Variants in NEGR1 observed in about 807,000 individuals in gnomAD.
NEGR1 encodes the protein IgLON family member 4.
NEGR1 carries 10 observed loss-of-function variants against 40.9 expected under a neutral mutation model. The observed-to-expected ratio is 0.24, with a 90% CI of 0.15 to 0.42. The LOEUF is 0.42. Ranked by LOEUF, NEGR1 falls within the 10% of genes least tolerant of loss-of-function variation. NEGR1 has a pLI of 1.00. For synonymous variants in NEGR1, 185 were observed against 166.8 expected (o/e 1.11, Z -0.84); for missense variants, 352 against 438.9 (o/e 0.80, Z 1.77).
chr1:71,991,732 C>G (rs1646454043), intron 1 of NEGR1, among the ~76,000 whole-genome samples: 1 of 152,158 alleles, frequency 6.6e-6, no homozygotes, highest in Non-Finnish European at 1.5e-5. Context: ...CCCAACCTAA[C>G]CTATTATAGG....
intron 2 of NEGR1, among the ~76,000 whole-genome samples, chr1:71,784,796 A>G (rs1400700204): frequency 1.3e-5 from 2 of 152,224 alleles, no homozygotes; most frequent in African/African-American, 4.8e-5. Context: ...TGAAACACAC[A>G]TGAAGTAGGT....
intron 2 of NEGR1, among the ~76,000 whole-genome samples, chr1:71,879,635 T>C (rs1660527823): frequency 6.6e-6 from 1 of 152,180 alleles, no homozygotes; most frequent in South Asian, 2.1e-4. Context: ...AGTTCACCCA[T>C]ACATTACAGA....
At chr1:72,096,933 C>T (rs1476529434) in intron 1 of NEGR1, among the ~76,000 whole-genome samples, 2 of 152,216 alleles carry the variant, frequency 1.3e-5, no homozygotes, top group East Asian at 3.9e-4. Flanking sequence ...CTGCCTGCCT[C>T]GGCCTCCCAA....
chr1:71,752,072 G>A (rs1032072897), intron 3 of NEGR1, among the ~76,000 whole-genome samples: 22 of 152,124 alleles, frequency 1.4e-4, no homozygotes. Flanking sequence ...TATACAATAC[G>A]CTGGAGTAGT....
intron 6 of NEGR1, among the ~76,000 whole-genome samples, chr1:71,554,353 G>T (rs1648183476): frequency 1.3e-5 from 2 of 151,222 alleles, no homozygotes. Context: ...TTTTAGAATG[G>T]AATATTAGTG....
At chr1:72,029,732 C>G (rs1276309481) in intron 1 of NEGR1, among the ~76,000 whole-genome samples, 1 of 152,022 alleles carries the variant, frequency 6.6e-6, no homozygotes, top group African/African-American at 2.4e-5. Context: ...TAGAGTAATT[C>G]TAAGGGTAAA....
chr1:71,879,154 A>G (rs1468098533), intron 2 of NEGR1, among the ~76,000 whole-genome samples: 1 of 151,932 alleles, frequency 6.6e-6, no homozygotes, highest in Non-Finnish European at 1.5e-5. Flanking sequence ...AAAAATAGCA[A>G]CAAGGATAAT....
At chr1:71,887,256 G>A (rs182660678) in intron 2 of NEGR1, among the ~76,000 whole-genome samples, 165 of 152,196 alleles carry the variant, frequency 1.1e-3, no homozygotes, top group Admixed American at 2.2e-3. Flanking sequence ...GGAAGGGGAG[G>A]GGTTGGTCTT....
chr1:72,236,433 A>T (rs980497357), intron 1 of NEGR1, among the ~76,000 whole-genome samples: 1 of 151,020 alleles, frequency 6.6e-6, no homozygotes, highest in African/African-American at 2.5e-5. Flanking sequence ...AGTATAATAA[A>T]AAAAAGAAGA....
chr1:72,261,916 T>C (rs1408822253), intron 1 of NEGR1, among the ~76,000 whole-genome samples: 2 of 152,050 alleles, frequency 1.3e-5, no homozygotes, highest in Admixed American at 6.6e-5. Context: ...AGGTACAATG[T>C]ACTTTATTTG....
chr1:71,474,561 A>G (rs1454697878), intron 6 of NEGR1, among the ~76,000 whole-genome samples: 1 of 107,102 alleles, frequency 9.3e-6, no homozygotes, highest in Admixed American at 8.8e-5. Flanking sequence ...CACACACACA[A>G]TTAGCCAGGC....
chr1:71,442,766 T>G (rs1378950865), intron 6 of NEGR1, among the ~76,000 whole-genome samples: 1 of 152,230 alleles, frequency 6.6e-6, no homozygotes, highest in Non-Finnish European at 1.5e-5. Flanking sequence ...AGTGTAATTC[T>G]GAGACAACAG....
intron 2 of NEGR1, among the ~76,000 whole-genome samples, chr1:71,874,248 C>G (rs1232683218): frequency 6.6e-6 from 1 of 152,024 alleles, no homozygotes; most frequent in Non-Finnish European, 1.5e-5. Context: ...CACTTAGTAC[C>G]TTTTATCTAA....
In NEGR1 at chr1:72,137,382, T is replaced by C. The variant is rs145392201; in HGVS notation, c.176+144937A>G. On this transcript the variant is annotated intron_variant, in intron 1 of 6. Coordinates refer to ENST00000357731, the MANE Select transcript of NEGR1 (RefSeq NM_173808.3). ...AGTGATAGACTAGATAAAGAAAATG[T>C]GGCACACATACACCATGGAATACTA... Among the ~76,000 whole-genome samples the C allele has an allele frequency of 7.0e-3, 1,061 of 152,240 alleles. 10 individuals are homozygous for C. The highest frequency in any genetic ancestry group is 0.023 in the African/African-American group (972 of 41,538).
intron 1 of NEGR1, among the ~76,000 whole-genome samples, chr1:71,973,032 A>G (rs1570567803): frequency 6.6e-6 from 1 of 152,326 alleles, no homozygotes; most frequent in East Asian, 1.9e-4. Flanking sequence ...AAGTTTTAAA[A>G]TATAAATTAG....
intron 2 of NEGR1, among the ~76,000 whole-genome samples, chr1:71,887,252 G>A (rs1256803358): frequency 6.6e-6 from 1 of 152,124 alleles, no homozygotes; most frequent in Non-Finnish European, 1.5e-5. Flanking sequence ...AGGAGGAAGG[G>A]GAGGGGTTGG....
intron 6 of NEGR1, among the ~76,000 whole-genome samples, chr1:71,503,379 C>T (rs1057217829): frequency 1.3e-5 from 2 of 152,054 alleles, no homozygotes; most frequent in Admixed American, 6.5e-5. Flanking sequence ...CCTCACCCAG[C>T]GAAAAGCCCT....
chr1:71,921,721 T>C (rs1220295622), intron 2 of NEGR1, among the ~76,000 whole-genome samples: 3 of 146,404 alleles, frequency 2.0e-5, no homozygotes, highest in African/African-American at 7.5e-5. Flanking sequence ...TATATATATA[T>C]ATATATATAT....
rs536697739 is a variant in NEGR1, at chr1:72,090,393, T to G, written c.177-155082A>C. Among the ~76,000 whole-genome samples, 3 of 150,024 alleles carry G rather than the reference T, an allele frequency of 2.0e-5. No individual in the cohort carries two copies. The East Asian group carries it at 5.9e-4, about 29-fold the overall frequency. On this transcript the variant is annotated intron_variant, in intron 1 of 6. Transcript: ENST00000357731. ...AAAAAAAAAAAAAAAGAGCTCCCAC[T>G]ATAGAAATAAAGACTAAAGTAGCGA...
Sources: allele counts gnomAD v4.1 joint callset (sites outside exome capture counted in the v4.1 genomes callset), GRCh38; gene constraint gnomAD v4.1.1; transcripts MANE v1.5; gene names NCBI Gene and HGNC (gene_info 2026-07-23, HGNC 2026-07-21).